Variants in KIAA1958 observed in about 807,000 individuals in gnomAD.
KIAA1958 encodes KIAA1958.
KIAA1958 carries 14 observed loss-of-function variants against 47.2 expected under a neutral mutation model. That is an observed-to-expected ratio of 0.30 (90% CI 0.20 to 0.46). KIAA1958 has a LOEUF of 0.46. KIAA1958 is among the 20% of genes least tolerant of loss of function. KIAA1958 has a pLI of 1.00. For synonymous variants in KIAA1958, 354 were observed against 353.3 expected (o/e 1.00, Z -0.02); for missense variants, 803 against 909.2 (o/e 0.88, Z 1.50).
chr9:112,626,681 A>G (rs964382219), intron 2 of KIAA1958, among the ~76,000 whole-genome samples: 1 of 152,208 alleles, frequency 6.6e-6, no homozygotes, highest in African/African-American at 2.4e-5. Context: ...TATTGGATGA[A>G]GTAGGAGGTC....
chr9:112,529,454 A>T (rs1367266435), intron 1 of KIAA1958, among the ~76,000 whole-genome samples: 1 of 152,178 alleles, frequency 6.6e-6, no homozygotes, highest in African/African-American at 2.4e-5. Context: ...TTTAGTCATC[A>T]TGCCACCTTA....
At chr9:112,531,521 A>AT (rs1834751899) in intron 1 of KIAA1958, among the ~76,000 whole-genome samples, 1 of 152,196 alleles carries the variant, frequency 6.6e-6, no homozygotes, top group South Asian at 2.1e-4. Flanking sequence ...CTTTTCTGTT[A>AT]TTTTCCAATT....
At chr9:112,500,854 A>G (rs1454494186) in intron 1 of KIAA1958, among the ~76,000 whole-genome samples, 1 of 151,958 alleles carries the variant, frequency 6.6e-6, no homozygotes, top group East Asian at 1.9e-4. Context: ...CATACCTGTA[A>G]TCCCAGTATT....
Position 112,574,282 on chromosome 9 carries a change from T to C in KIAA1958, c.202T>C (p.Ser68Pro), listed in dbSNP as rs531258413. Residue 68 changes from serine to proline, a missense_variant, in exon 2 of 4, where the codon TCC (serine) becomes CCC (proline). Ser to Pro is a moderately conservative substitution (Grantham distance 74). Transcript: ENST00000337530. Reference sequence around the variant, plus strand: ...ACTAACAGCTACTTGCAGAGCTGGGTCCCAAGAGAGGGTCTGTTTCCAGGA... The same window carrying C: ...ACTAACAGCTACTTGCAGAGCTGGGCCCCAAGAGAGGGTCTGTTTCCAGGA... ...WPLTATCRAG[S>P]QERVCFQDNR... The C allele has an allele frequency of 6.2e-7, 1 of 1,614,022 alleles. No homozygotes were observed. The highest frequency in any genetic ancestry group is 1.1e-5 in the South Asian group (1 of 91,082).
At chr9:112,561,571 C>T (rs1043325940) in intron 1 of KIAA1958, among the ~76,000 whole-genome samples, 3 of 151,790 alleles carry the variant, frequency 2.0e-5, no homozygotes, top group Non-Finnish European at 4.4e-5. Context: ...AAAAGAAACT[C>T]GGGCTGGGTG....
intron 1 of KIAA1958, among the ~76,000 whole-genome samples, chr9:112,516,055 T>C (rs193002770): frequency 1.3e-5 from 2 of 152,328 alleles, no homozygotes; most frequent in Admixed American, 1.3e-4. Context: ...CAACTGTCTG[T>C]CTGTATTCAC....
chr9:112,560,189 TTTC>T (rs1251994765), intron 1 of KIAA1958, among the ~76,000 whole-genome samples: 1 of 133,044 alleles, frequency 7.5e-6, no homozygotes, highest in East Asian at 2.2e-4. Flanking sequence ...CTGCTTTTTT[TTTC>T]TTTTTCTTTT....
chr9:112,508,638 T>G (rs1435756701), intron 1 of KIAA1958, among the ~76,000 whole-genome samples: 1 of 152,232 alleles, frequency 6.6e-6, no homozygotes, highest in Non-Finnish European at 1.5e-5. Context: ...TCCCTGCATA[T>G]GTACAATGCC....
chr9:112,486,873 G>A lies in KIAA1958; in HGVS notation c.-270G>A, dbSNP rs1196223176. The A allele has an allele frequency of 2.8e-5, 4 of 142,024 alleles. No homozygotes were observed. The highest frequency in any genetic ancestry group is 6.9e-5 in the Admixed American group (1 of 14,478). 8.8% of individuals were successfully genotyped at this position (142,024 alleles called of 1,614,324 possible). On this transcript the variant is annotated 5_prime_UTR_variant, in exon 1 of 4. Coordinates refer to ENST00000337530, the MANE Select transcript of KIAA1958 (RefSeq NM_133465.4). Reference sequence around the variant, plus strand: ...CCGAGCCGGGCGCGCGGAGCTCGGGGCGCACGGAGCGGCGCGCGGCGGTCG... The same window carrying A: ...CCGAGCCGGGCGCGCGGAGCTCGGGACGCACGGAGCGGCGCGCGGCGGTCG...
intron 1 of KIAA1958, among the ~76,000 whole-genome samples, chr9:112,487,894 A>G (rs1833893261): frequency 6.6e-6 from 1 of 152,026 alleles, no homozygotes; most frequent in Non-Finnish European, 1.5e-5. Context: ...GGGACTTTAA[A>G]AAAAATGAAC....
chr9:112,610,010 G>T (rs1836297619), intron 2 of KIAA1958, among the ~76,000 whole-genome samples: 1 of 152,096 alleles, frequency 6.6e-6, no homozygotes, highest in African/African-American at 2.4e-5. Context: ...GTAGAAAATA[G>T]TTGGAATAAT....
chr9:112,497,182 C>T (rs1255875636), intron 1 of KIAA1958, among the ~76,000 whole-genome samples: 1 of 152,134 alleles, frequency 6.6e-6, no homozygotes, highest in Non-Finnish European at 1.5e-5. Context: ...AGGATATTGA[C>T]TATTTATGGG....
At chr9:112,493,801 C>T (rs866908420) in intron 1 of KIAA1958, among the ~76,000 whole-genome samples, 1 of 152,142 alleles carries the variant, frequency 6.6e-6, no homozygotes, top group Non-Finnish European at 1.5e-5. Context: ...AATAAAAATA[C>T]TTGACTCACA....
At chr9:112,525,686 C>A (rs1227155960) in intron 1 of KIAA1958, among the ~76,000 whole-genome samples, 1 of 151,948 alleles carries the variant, frequency 6.6e-6, no homozygotes, top group Admixed American at 6.6e-5. Flanking sequence ...ATGTAATTTT[C>A]TAGTCCTCAT....
intron 2 of KIAA1958, among the ~76,000 whole-genome samples, chr9:112,612,635 G>A (rs1836345171): frequency 1.3e-5 from 2 of 152,142 alleles, no homozygotes; most frequent in African/African-American, 4.8e-5. Context: ...AAGCAAAGAT[G>A]AAGAGGTTTG....
At chr9:112,521,673 A>C (rs1387311823) in intron 1 of KIAA1958, among the ~76,000 whole-genome samples, 1 of 152,170 alleles carries the variant, frequency 6.6e-6, no homozygotes, top group Non-Finnish European at 1.5e-5. Context: ...ATTGCATGAT[A>C]ACTTTTGAGA....
intron 2 of KIAA1958, among the ~76,000 whole-genome samples, chr9:112,604,229 G>A (rs528300172): frequency 6.6e-6 from 1 of 152,226 alleles, no homozygotes; most frequent in Admixed American, 6.5e-5. Flanking sequence ...TAGATTAATG[G>A]GGCATGGAGA....
rs1267122821 is a variant in KIAA1958, at chr9:112,646,496, A to C, written c.1344+674A>C. On this transcript the variant is annotated intron_variant, in intron 3 of 3. Transcript: ENST00000337530. ...CATAATGAAAGTGGTATTTTAGGGA[A>C]ATAATTGGAAGTGATGAGCAAAAAG... Among the ~76,000 whole-genome samples the C allele has an allele frequency of 2.0e-5, 3 of 152,242 alleles. No individual in the cohort carries two copies. In the East Asian group the frequency reaches 5.8e-4, roughly 29 times the overall value.
At chr9:112,530,123 G>A (rs1374950686) in intron 1 of KIAA1958, among the ~76,000 whole-genome samples, 4 of 152,204 alleles carry the variant, frequency 2.6e-5, no homozygotes, top group South Asian at 2.1e-4. Context: ...GATTACAGGC[G>A]TGAGCCACCA....
Sources: allele counts gnomAD v4.1 joint callset (sites outside exome capture counted in the v4.1 genomes callset), GRCh38; gene constraint gnomAD v4.1.1; transcripts MANE v1.5; gene names NCBI Gene and HGNC (gene_info 2026-07-23, HGNC 2026-07-21).